The following MESP1 variants were observed in gnomAD, a reference collection of about 807,000 sequenced individuals.
MESP1 encodes the protein mesoderm posterior bHLH transcription factor 1.
Under a neutral mutation model 15.2 loss-of-function variants are expected in MESP1, and 22 were observed. The observed-to-expected ratio is 1.45, with a 90% confidence interval of 1.04 to 2.07. The LOEUF is 2.07. Ranked by LOEUF, MESP1 falls within the 30% of genes most tolerant of loss-of-function variation. The pLI is 0.00. For synonymous variants in MESP1, 216 were observed against 192.6 expected (o/e 1.12, Z -1.01); for missense variants, 484 against 411.9 (o/e 1.17, Z -1.51).
At chr15:89,739,902 A>G in the MESP1 span, among the ~76,000 whole-genome samples, 1 of 152,098 alleles carries the variant, frequency 6.6e-6, no homozygotes. Flanking sequence ...CTGTTTACTC[A>G]GGGAAGATTG....
chr15:89,748,709 A>C (rs966739444), downstream of MESP1: 1 of 152,230 alleles, frequency 6.6e-6, no homozygotes, highest in African/African-American at 2.4e-5. Flanking sequence ...AAGCAAACCT[A>C]TAGAGACAGA....
chr15:89,740,242 C>CA, the MESP1 span, among the ~76,000 whole-genome samples: 1 of 152,218 alleles, frequency 6.6e-6, no homozygotes. Context: ...CACTAGGTGG[C>CA]ACCATAGCTC....
chr15:89,748,600 G>C (rs1047934061), downstream of MESP1: 5 of 152,248 alleles, frequency 3.3e-5, no homozygotes, highest in Admixed American at 3.3e-4. Context: ...TCTGACACAG[G>C]AGGCAGCATG....
At chr15:89,744,450 A>C in the MESP1 span, among the ~76,000 whole-genome samples, 2 of 152,202 alleles carry the variant, frequency 1.3e-5, no homozygotes, top group Non-Finnish European at 2.9e-5. Flanking sequence ...CTCTCTGGAG[A>C]CGAGGAAGGA....
At chr15:89,740,380 A>G in the MESP1 span, among the ~76,000 whole-genome samples, 1 of 152,202 alleles carries the variant, frequency 6.6e-6, no homozygotes, top group Admixed American at 6.5e-5. Context: ...GGAGACGAAT[A>G]TGGTCTCATG....
chr15:89,740,495 T>TTATTTG, the MESP1 span, among the ~76,000 whole-genome samples: 1 of 151,704 alleles, frequency 6.6e-6, no homozygotes, highest in African/African-American at 2.4e-5. Context: ...AGGGTTTTTG[T>TTATTTG]TTTTTGTTTT....
chr15:89,743,000 G>A, the MESP1 span, among the ~76,000 whole-genome samples: 4 of 152,324 alleles, frequency 2.6e-5, no homozygotes, highest in Non-Finnish European at 4.4e-5. Context: ...TGAATGTTCC[G>A]TTGTGTGTAA....
the MESP1 span, chr15:89,737,927 C>T: frequency 7.4e-7 from 1 of 1,347,924 alleles, no homozygotes; most frequent in Admixed American, 2.2e-5. Flanking sequence ...ACAGCTCAAC[C>T]CAGATGACCC....
downstream of MESP1, among the ~76,000 whole-genome samples, chr15:89,747,080 A>T (rs1967981746): frequency 7.7e-6 from 1 of 130,278 alleles, no homozygotes; most frequent in Non-Finnish European, 1.6e-5. Flanking sequence ...CCGCCGCCAC[A>T]CACACAGCCC....
chr15:89,732,864 T>C, the MESP1 span: 16 of 747,300 alleles, frequency 2.1e-5, no homozygotes, highest in South Asian at 2.0e-4. Flanking sequence ...GGTTTACTGA[T>C]TTTCTCTCAC....
At chr15:89,746,556 C>A (rs1419889399), downstream of MESP1, among the ~76,000 whole-genome samples, 2 of 148,496 alleles carry the variant, frequency 1.3e-5, no homozygotes, top group African/African-American at 2.5e-5. Context: ...CCAACCTCCA[C>A]ACATACACAC....
chr15:89,740,367 T>A, the MESP1 span, among the ~76,000 whole-genome samples: 4 of 152,148 alleles, frequency 2.6e-5, no homozygotes, highest in African/African-American at 9.7e-5. Flanking sequence ...TGCCTATTCG[T>A]CAGGAGACGA....
chr15:89,740,865 C>T, the MESP1 span, among the ~76,000 whole-genome samples: 3 of 151,752 alleles, frequency 2.0e-5, no homozygotes, highest in Non-Finnish European at 2.9e-5. Flanking sequence ...ATTGGCCGGG[C>T]GCGGTGGCTC....
the MESP1 span, among the ~76,000 whole-genome samples, chr15:89,740,518 T>A: frequency 6.6e-6 from 1 of 152,216 alleles, no homozygotes; most frequent in Non-Finnish European, 1.5e-5. Context: ...TTTTTGTTTT[T>A]GAAACAGAGT....
At chr15:89,743,538 G>T in the MESP1 span, 3 of 700,648 alleles carry the variant, frequency 4.3e-6, no homozygotes, top group East Asian at 5.4e-5. Context: ...GCCAGCAAGG[G>T]GAAAAGTATA....
At chr15:89,747,023 A>AG (rs1967978960), downstream of MESP1, among the ~76,000 whole-genome samples, 1 of 121,348 alleles carries the variant, frequency 8.2e-6, no homozygotes. Context: ...ACGCACACAC[A>AG]CAGCCCCACC....
At chr15:89,740,938 G>A in the MESP1 span, among the ~76,000 whole-genome samples, 307 of 152,192 alleles carry the variant, frequency 2.0e-3, no homozygotes, top group Middle Eastern at 6.8e-3. Flanking sequence ...CCAGGCGTTC[G>A]AGACCAGGCT....
At chr15:89,737,649 C>G in the MESP1 span, 1 of 1,614,200 alleles carries the variant, frequency 6.2e-7, no homozygotes, top group Non-Finnish European at 8.5e-7. Flanking sequence ...GCCTTTGCCC[C>G]TCCGGGAGCC....
chr15:89,736,556 G>C, the MESP1 span, among the ~76,000 whole-genome samples: 1 of 152,030 alleles, frequency 6.6e-6, no homozygotes, highest in Admixed American at 6.6e-5. Flanking sequence ...CAAAGTGACC[G>C]TGAGGGGCCC....
Sources: allele counts gnomAD v4.1 joint callset (sites outside exome capture counted in the v4.1 genomes callset), GRCh38; gene constraint gnomAD v4.1.1; transcripts MANE v1.5; gene names NCBI Gene and HGNC (gene_info 2026-07-23, HGNC 2026-07-21).